Variants in DCSTAMP observed in about 807,000 individuals in gnomAD.
The protein encoded by DCSTAMP is dendrocyte expressed seven transmembrane protein.
In DCSTAMP, 25 loss-of-function variants were observed where a neutral mutation model predicts 33.8. The ratio of observed to expected loss-of-function variants is 0.74; its 90% CI spans 0.54 to 1.03. The LOEUF (loss-of-function observed/expected upper bound fraction) is 1.03, where lower values mean the gene tolerates loss of function less well. DCSTAMP is among the 50% of genes least tolerant of loss of function. DCSTAMP has a pLI of 0.00. For missense variants in DCSTAMP, 531 were observed against 556.8 expected (o/e 0.95, Z 0.47); for synonymous variants, 245 against 216.7 (o/e 1.13, Z -1.15).
intron 1 of DCSTAMP, among the ~76,000 whole-genome samples, chr8:104,342,823 C>T (rs142546047): frequency 8.0e-4 from 122 of 152,318 alleles, no homozygotes; most frequent in African/African-American, 2.8e-3. Flanking sequence ...GATGGGCCTG[C>T]GTCCGGGGTG....
intron 2 of DCSTAMP, among the ~76,000 whole-genome samples, chr8:104,351,995 C>T (rs1810475050): frequency 6.6e-6 from 1 of 152,160 alleles, no homozygotes; most frequent in Non-Finnish European, 1.5e-5. Context: ...AATCATTGTA[C>T]ATATTTATGG....
intron 1 of DCSTAMP, 48 bp from the exon 2 acceptor site, chr8:104,348,493 A>G (rs1365946885): frequency 1.3e-6 from 2 of 1,555,848 alleles, no homozygotes; most frequent in Admixed American, 3.8e-5. Context: ...CGAAGGTCAG[A>G]GGACATTCAA....
At chr8:104,356,019 C>T in intron 3 of DCSTAMP, 105 bp from the exon 4 acceptor site, 3 of 981,698 alleles carry the variant, frequency 3.1e-6, no homozygotes, top group Middle Eastern at 2.2e-4. Flanking sequence ...CAGTCTTTTG[C>T]TGTTTTTCCC....
Position 104,350,883 on chromosome 8 carries a change from C to T in DCSTAMP, c.1029+1302C>T, listed in dbSNP as rs555406177. Among the ~76,000 whole-genome samples the T allele has an allele frequency of 4.6e-5, 7 of 152,272 alleles. No individual in the cohort carries two copies. The South Asian group carries it at 1.0e-3, about 23-fold the overall frequency. ...ACCAGATTCTGTTTTAATTGGACTG[C>T]GGCGAGAGATTTTTAAAACCTCCCA... On this transcript the variant is annotated intron_variant, in intron 2 of 3. Transcript: ENST00000297581.
At chr8:104,340,381 C>T (rs1466898100) in intron 1 of DCSTAMP, 3 of 152,164 alleles carry the variant, frequency 2.0e-5, no homozygotes, top group African/African-American at 7.2e-5. Flanking sequence ...AAATGAAGGC[C>T]GCAGCTCCTG....
chr8:104,349,615 C>T (rs777258656), intron 2 of DCSTAMP, 34 bp downstream of exon 2: 12 of 1,570,710 alleles, frequency 7.6e-6, no homozygotes, highest in Middle Eastern at 1.8e-4. Context: ...TGGTTTATCC[C>T]GGCTATTTGC....
At chr8:104,345,066 G>A (rs1314638524) in intron 1 of DCSTAMP, among the ~76,000 whole-genome samples, 2 of 151,992 alleles carry the variant, frequency 1.3e-5, no homozygotes, top group African/African-American at 4.8e-5. Context: ...TGGGATTATA[G>A]CCATGAGCCA....
chr8:104,343,347 C>T (rs1276040499), intron 1 of DCSTAMP, among the ~76,000 whole-genome samples: 2 of 152,210 alleles, frequency 1.3e-5, no homozygotes, highest in Non-Finnish European at 2.9e-5. Flanking sequence ...TAAAGTAACA[C>T]ATTAATAACT....
chr8:104,351,012 G>A (rs923510879), intron 2 of DCSTAMP, among the ~76,000 whole-genome samples: 1 of 152,206 alleles, frequency 6.6e-6, no homozygotes, highest in African/African-American at 2.4e-5. Context: ...AGATGGATCT[G>A]TGACAAATCT....
In DCSTAMP at chr8:104,354,870, A is replaced by AT. The variant is rs1177163482; in HGVS notation, c.1030-3dup. On this transcript the variant is annotated splice_region_variant and splice_polypyrimidine_tract_variant and intron_variant, in intron 2 of 3. Coordinates refer to ENST00000297581, the MANE Select transcript of DCSTAMP (RefSeq NM_030788.4). ...TGCATCATGATTATTTTATTCTTTCATTTTAGAAACAAGGAACTCAAGATA... is the reference window on the plus strand; with the variant it reads ...TGCATCATGATTATTTTATTCTTTCATTTTTAGAAACAAGGAACTCAAGATA... 1 of 1,559,438 alleles carries AT rather than the reference A, an allele frequency of 6.4e-7. No homozygotes were observed.
At chr8:104,341,193 C>G (rs2099382768) in intron 1 of DCSTAMP, among the ~76,000 whole-genome samples, 1 of 152,212 alleles carries the variant, frequency 6.6e-6, no homozygotes, top group Non-Finnish European at 1.5e-5. Flanking sequence ...GCTCTGGAGA[C>G]ACATGGGTGA....
At chr8:104,355,973 G>A (rs1481178732) in intron 3 of DCSTAMP, 151 bp from the exon 4 acceptor site, 3 of 610,754 alleles carry the variant, frequency 4.9e-6, no homozygotes, top group Non-Finnish European at 8.3e-6. Context: ...GACAATGGAA[G>A]ACCAACATAA....
chr8:104,341,961 G>A (rs1467395337), intron 1 of DCSTAMP, among the ~76,000 whole-genome samples: 1 of 152,182 alleles, frequency 6.6e-6, no homozygotes, highest in Non-Finnish European at 1.5e-5. Flanking sequence ...GTCAGGAATA[G>A]ACATTATTGA....
chr8:104,355,176 T>C lies in DCSTAMP; in HGVS notation c.1329T>C (p.Tyr443=). Residue 443 remains tyrosine, a synonymous_variant, in exon 3 of 4, where the codon TAT becomes TAC. Coordinates refer to ENST00000297581, the MANE Select transcript of DCSTAMP (RefSeq NM_030788.4). ...AAGTCAAAAGACGGCTGAGTCTCTATCTTACAAAGGTAAGGCCAAGATGGT... is the reference window on the plus strand; with the variant it reads ...AAGTCAAAAGACGGCTGAGTCTCTACCTTACAAAGGTAAGGCCAAGATGGT... The part of the protein sequence containing the change: ...LGEVKRRLSL[Y]LTKIHFWLPV... The C allele has an allele frequency of 1.9e-6, 3 of 1,612,622 alleles. No homozygotes were observed. Among genetic ancestry groups the C allele is most frequent in the Non-Finnish European group, 2.5e-6 (3 of 1,179,490 alleles).
chr8:104,351,649 G>T (rs1399095956), intron 2 of DCSTAMP, among the ~76,000 whole-genome samples: 1 of 152,156 alleles, frequency 6.6e-6, no homozygotes, highest in Non-Finnish European at 1.5e-5. Flanking sequence ...TGGAAAAAGG[G>T]TGGGGAGTTC....
intron 2 of DCSTAMP, 32 bp downstream of exon 2, chr8:104,349,613 C>T (rs374422517): frequency 3.4e-5 from 53 of 1,574,012 alleles, no homozygotes; most frequent in Non-Finnish European, 4.5e-5. Context: ...CATGGTTTAT[C>T]CCGGCTATTT....
At chr8:104,355,984 C>T in intron 3 of DCSTAMP, 140 bp from the exon 4 acceptor site, 1 of 672,344 alleles carries the variant, frequency 1.5e-6, no homozygotes, top group East Asian at 3.0e-5. Flanking sequence ...ACCAACATAA[C>T]CCACAAAAAT....
chr8:104,355,654 A>T (rs1810604481), intron 3 of DCSTAMP, among the ~76,000 whole-genome samples: 1 of 152,200 alleles, frequency 6.6e-6, no homozygotes, highest in African/African-American at 2.4e-5. Flanking sequence ...ATATAAATAA[A>T]AACATGACTC....
intron 2 of DCSTAMP, among the ~76,000 whole-genome samples, chr8:104,353,358 C>T (rs932809292): frequency 6.6e-6 from 1 of 152,200 alleles, no homozygotes; most frequent in African/African-American, 2.4e-5. Flanking sequence ...AACCCCACAC[C>T]AAAGTGTTGA....
Sources: allele counts gnomAD v4.1 joint callset (sites outside exome capture counted in the v4.1 genomes callset), GRCh38; gene constraint gnomAD v4.1.1; transcripts MANE v1.5; gene names NCBI Gene and HGNC (gene_info 2026-07-23, HGNC 2026-07-21).